Variants in HDX observed in about 807,000 individuals in gnomAD.
The protein encoded by HDX is highly divergent homeobox, also known as chromosome X open reading frame 43.
In HDX, 19 loss-of-function variants were observed where a neutral mutation model predicts 45.2. That is an observed-to-expected ratio of 0.42 (90% CI 0.29 to 0.62). The LOEUF (loss-of-function observed/expected upper bound fraction) is 0.62, where lower values mean the gene tolerates loss of function less well. HDX is among the 20% of genes least tolerant of loss of function. The pLI, the probability that HDX is intolerant of heterozygous loss-of-function variation, is 0.20. For synonymous variants in HDX, 188 were observed against 172.8 expected, an observed-to-expected ratio of 1.09 and a Z score of -0.69; for missense variants, 532 against 493.9, an observed-to-expected ratio of 1.08 and a Z score of -0.73.
In HDX at chrX:84,319,771, T is replaced by C. The variant is rs1041473172; in HGVS notation, c.*2118A>G. On this transcript the variant is annotated 3_prime_UTR_variant, in exon 11 of 11. Coordinates refer to ENST00000373177, the MANE Select transcript of HDX (RefSeq NM_001177479.2). ...ACTTAAATATGGTTTATTAATATCATAGAAGATGTTAAAAAGAAATAATTA... is the reference window on the plus strand; with the variant it reads ...ACTTAAATATGGTTTATTAATATCACAGAAGATGTTAAAAAGAAATAATTA... 2 of 111,255 alleles carry C rather than the reference T, an allele frequency of 1.8e-5. No homozygotes were observed. The highest frequency in any genetic ancestry group is 3.2e-5 in the African/African-American group (1 of 30,788). The allele number at this position is 111,255 out of a possible 1,213,427, so 9.2% of individuals were successfully genotyped here.
At chrX:84,375,518 G>C (rs1380853225) in intron 5 of HDX, among the ~76,000 whole-genome samples, 1 of 112,130 alleles carries the variant, frequency 8.9e-6, no homozygotes, top group African/African-American at 3.2e-5. Flanking sequence ...CGATAGACTG[G>C]ATTAAGAAAA....
At chrX:84,348,957 T>G (rs1295257426) in intron 6 of HDX, among the ~76,000 whole-genome samples, 2 of 110,760 alleles carry the variant, frequency 1.8e-5, no homozygotes, top group Non-Finnish European at 3.8e-5. Flanking sequence ...CATGAGGGAG[T>G]TTTTCTCCAA....
chrX:84,453,849 AAAG>A (rs1374458136), intron 4 of HDX, among the ~76,000 whole-genome samples: 2 of 112,084 alleles, frequency 1.8e-5, no homozygotes, highest in Non-Finnish European at 3.8e-5. Flanking sequence ...AGAGAAGAGT[AAAG>A]AAGACTTTGT....
intron 8 of HDX, among the ~76,000 whole-genome samples, chrX:84,334,733 C>T (rs910948415): frequency 1.1e-5 from 1 of 95,179 alleles, no homozygotes; most frequent in Non-Finnish European, 2.1e-5. Context: ...ATGTAAAAAA[C>T]ACAGTCAAGA....
chrX:84,425,849 G>T (rs765889606), intron 5 of HDX, among the ~76,000 whole-genome samples: 92 of 109,901 alleles, frequency 8.4e-4, no homozygotes, highest in Admixed American at 2.0e-3. Flanking sequence ...GGTAAGGATA[G>T]TTAATGTGTG....
chrX:84,374,693 G>A (rs1214273072), intron 5 of HDX, among the ~76,000 whole-genome samples: 3 of 109,980 alleles, frequency 2.7e-5, no homozygotes, highest in Non-Finnish European at 5.7e-5. Context: ...CTAGCCATAT[G>A]TAGAAAGCTG....
intron 2 of HDX, among the ~76,000 whole-genome samples, chrX:84,481,577 T>A (rs1351120364): frequency 8.9e-6 from 1 of 111,810 alleles, no homozygotes; most frequent in Non-Finnish European, 1.9e-5. Flanking sequence ...CTGCCTTCTG[T>A]CAATTTATGA....
chrX:84,356,079 C>A (rs1304597772), intron 6 of HDX, among the ~76,000 whole-genome samples: 1 of 110,003 alleles, frequency 9.1e-6, no homozygotes, highest in Non-Finnish European at 1.9e-5. Context: ...CTTAGAAGTA[C>A]AAGACATTAA....
intron 5 of HDX, among the ~76,000 whole-genome samples, chrX:84,369,604 T>G (rs2037844749): frequency 8.9e-6 from 1 of 112,117 alleles, no homozygotes; most frequent in Non-Finnish European, 1.9e-5. Flanking sequence ...TGTGTGCGTG[T>G]TTTTGCACCT....
intron 4 of HDX, among the ~76,000 whole-genome samples, chrX:84,442,362 T>C (rs2039778277): frequency 9.0e-6 from 1 of 111,515 alleles, no homozygotes. Flanking sequence ...CTGTTACTAT[T>C]CCTGGCCACC....
At chrX:84,337,858 G>C (rs1360262134) in intron 7 of HDX, among the ~76,000 whole-genome samples, 1 of 111,131 alleles carries the variant, frequency 9.0e-6, no homozygotes, top group East Asian at 2.8e-4. Flanking sequence ...GGCTGAGCTA[G>C]GGGAACTGGT....
intron 5 of HDX, among the ~76,000 whole-genome samples, chrX:84,362,964 C>T (rs890910213): frequency 1.8e-5 from 2 of 111,137 alleles, no homozygotes; most frequent in East Asian, 5.6e-4. Flanking sequence ...TATATGAATT[C>T]TTGGTTTACT....
intron 2 of HDX, among the ~76,000 whole-genome samples, chrX:84,476,741 T>C (rs1397877934): frequency 1.8e-5 from 2 of 111,354 alleles, no homozygotes; most frequent in African/African-American, 3.3e-5. Flanking sequence ...CTTTAAAAAA[T>C]AAAGCTCTCT....
chrX:84,459,303 G>T (rs747904313), intron 4 of HDX, among the ~76,000 whole-genome samples: 3 of 110,147 alleles, frequency 2.7e-5, no homozygotes, highest in Admixed American at 1.9e-4. Context: ...TTAGCCGGGC[G>T]TGGTGGCGGG....
chrX:84,477,031 A>G (rs2040570500), intron 2 of HDX, among the ~76,000 whole-genome samples: 1 of 111,852 alleles, frequency 8.9e-6, no homozygotes, highest in African/African-American at 3.3e-5. Flanking sequence ...TGGGCAAGTG[A>G]GCAGGAACAA....
chrX:84,373,678 T>C (rs1467498194), intron 5 of HDX, among the ~76,000 whole-genome samples: 5 of 111,238 alleles, frequency 4.5e-5, no homozygotes, highest in Non-Finnish European at 9.4e-5. Flanking sequence ...TCTCAATAGA[T>C]GCAGAAAAGG....
chrX:84,500,048 A>C lies in HDX; in HGVS notation c.-110+2294T>G, dbSNP rs769871866. The C allele has an allele frequency of 6.3e-4, 70 of 111,995 alleles. 1 individual carries two copies. The highest frequency in any genetic ancestry group is 2.1e-3 in the African/African-American group (65 of 30,909). 9.2% of individuals were successfully genotyped at this position (111,995 alleles called of 1,213,427 possible). A position where few individuals can be genotyped will look rare whatever the true frequency, so the allele number is the denominator to read the frequency against. On this transcript the variant is annotated intron_variant, in intron 1 of 10. Transcript: ENST00000373177. ...AGAACAGTGGAATACCTCTTTATTT[A>C]GTATTTTTCAAACTGAGAAGATTAC...
At chrX:84,462,135 G>C (rs2040250893) in intron 4 of HDX, among the ~76,000 whole-genome samples, 1 of 111,569 alleles carries the variant, frequency 9.0e-6, no homozygotes, top group African/African-American at 3.3e-5. Flanking sequence ...TAAAAATAGA[G>C]CTACCATAAA....
intron 5 of HDX, among the ~76,000 whole-genome samples, chrX:84,420,437 C>T (rs1024375625): frequency 8.2e-5 from 9 of 109,966 alleles, no homozygotes; most frequent in African/African-American, 1.6e-4. Context: ...AATACACAAT[C>T]GGAGGAGTGA....
Sources: allele counts gnomAD v4.1 joint callset (sites outside exome capture counted in the v4.1 genomes callset), GRCh38; gene constraint gnomAD v4.1.1; transcripts MANE v1.5; gene names NCBI Gene and HGNC (gene_info 2026-07-23, HGNC 2026-07-21).